The following SLCO5A1 variants were observed in gnomAD, a reference collection of about 807,000 sequenced individuals.
SLCO5A1 encodes organic anion transporter polypeptide-related protein 4.
SLCO5A1 carries 39 observed loss-of-function variants against 65.1 expected under a neutral mutation model. The observed-to-expected ratio is 0.60, with a 90% confidence interval of 0.46 to 0.78. The LOEUF (loss-of-function observed/expected upper bound fraction) is 0.78, where lower values mean the gene tolerates loss of function less well. Among genes scored for constraint, SLCO5A1 ranks in the 30% least tolerant of loss-of-function variants. SLCO5A1 has a pLI of 0.00. For synonymous variants in SLCO5A1, 438 were observed against 415.7 expected (o/e 1.05, Z -0.65); for missense variants, 1,029 against 1,069.4 (o/e 0.96, Z 0.53).
At chr8:69,706,053 T>A (rs907001008) in intron 5 of SLCO5A1, among the ~76,000 whole-genome samples, 1 of 152,208 alleles carries the variant, frequency 6.6e-6, no homozygotes, top group African/African-American at 2.4e-5. Context: ...AATAAATATA[T>A]CATATATGGT....
chr8:69,730,938 A>C (rs780349230), intron 5 of SLCO5A1, among the ~76,000 whole-genome samples: 32 of 152,174 alleles, frequency 2.1e-4, no homozygotes, highest in Non-Finnish European at 1.5e-5. Context: ...GAATATAAAA[A>C]TATTCAAGCA....
intron 2 of SLCO5A1, chr8:69,773,036 G>A (rs1273188416): frequency 1.1e-6 from 1 of 870,854 alleles, no homozygotes; most frequent in African/African-American, 1.8e-5. Context: ...AGGCTTCATG[G>A]ATGCTAGACA....
intron 5 of SLCO5A1, among the ~76,000 whole-genome samples, chr8:69,734,002 G>A (rs1816448244): frequency 2.0e-5 from 3 of 150,830 alleles, no homozygotes; most frequent in Non-Finnish European, 4.4e-5. Context: ...CATGAGCAGG[G>A]AGAGCACTGT....
At chr8:69,820,078 T>C (rs1586834125) in intron 2 of SLCO5A1, among the ~76,000 whole-genome samples, 1 of 152,256 alleles carries the variant, frequency 6.6e-6, no homozygotes, top group Non-Finnish European at 1.5e-5. Context: ...CACCCTCCTC[T>C]CACCTGTCTT....
rs1430039078 is a variant in SLCO5A1 at position 69,796,730 on chromosome 8, T to A, written c.908-34855A>T. 5.3e-5 allele frequency among the ~76,000 whole-genome samples: 8 copies of A among 152,110 alleles called. No homozygotes were observed. In the East Asian group the frequency reaches 1.2e-3, roughly 22 times the overall value. On this transcript the variant is annotated intron_variant, in intron 2 of 9. Transcript: ENST00000260126. ...TTTTTTCAACTTTCAGGTCATTTCT[T>A]TGCTCATACATATGAGCATAAAATG...
intron 2 of SLCO5A1, among the ~76,000 whole-genome samples, chr8:69,789,709 C>G (rs1404575330): frequency 6.6e-6 from 1 of 152,114 alleles, no homozygotes; most frequent in East Asian, 1.9e-4. Context: ...CAAAAATTAA[C>G]TATCTGAGAT....
At chr8:69,720,515 T>A (rs776733165) in intron 5 of SLCO5A1, among the ~76,000 whole-genome samples, 2 of 152,204 alleles carry the variant, frequency 1.3e-5, no homozygotes, top group Non-Finnish European at 2.9e-5. Flanking sequence ...GTAGCTAACA[T>A]CTTAGATAAT....
At chr8:69,723,313 G>A (rs1359380689) in intron 5 of SLCO5A1, among the ~76,000 whole-genome samples, 1 of 152,076 alleles carries the variant, frequency 6.6e-6, no homozygotes, top group African/African-American at 2.4e-5. Flanking sequence ...GTGCAGTGGT[G>A]CGATCTTGGC....
At chr8:69,811,913 C>G (rs1820219448) in intron 2 of SLCO5A1, among the ~76,000 whole-genome samples, 1 of 152,198 alleles carries the variant, frequency 6.6e-6, no homozygotes, top group South Asian at 2.1e-4. Flanking sequence ...CAAACCGAGG[C>G]AGCTGGACCC....
chr8:69,740,752 G>C (rs1432178938), intron 4 of SLCO5A1, among the ~76,000 whole-genome samples: 1 of 152,166 alleles, frequency 6.6e-6, no homozygotes, highest in Non-Finnish European at 1.5e-5. Flanking sequence ...GCAAAAATGT[G>C]CTCATGGAAT....
rs368222854 is a variant in SLCO5A1, at chr8:69,774,813, C to CA, written c.908-12939dup. ...TTTGGTGACACAGCACTGCAGATAA[C>CA]AGAGGACATGAAGAACAATCCACGT... On this transcript the variant is annotated intron_variant, in intron 2 of 9. Transcript: ENST00000260126. Among the ~76,000 whole-genome samples, 452 of 152,330 alleles carry CA rather than the reference C, an allele frequency of 3.0e-3. 3 individuals are homozygous for CA. The highest frequency in any genetic ancestry group is 0.01 in the African/African-American group (426 of 41,560).
Position 69,834,872 on chromosome 8 carries a change from G to C in SLCO5A1, c.-515C>G, listed in dbSNP as rs914893299. 1.3e-4 allele frequency: 20 copies of C among 152,510 alleles called. No individual in the cohort carries two copies. The highest frequency in any genetic ancestry group is 2.5e-4 in the Non-Finnish European group (17 of 68,282). 9.4% of individuals were successfully genotyped at this position (152,510 alleles called of 1,614,324 possible). On this transcript the variant is annotated 5_prime_UTR_variant, in exon 1 of 10. Transcript: ENST00000260126. ...TACTCACTAGCGAGTCTGTCAGTCT[G>C]TCTGCCTGGCTGAGTAGAGCGGCGG...
intron 6 of SLCO5A1, among the ~76,000 whole-genome samples, chr8:69,690,293 C>T (rs1814200310): frequency 6.6e-6 from 1 of 152,244 alleles, no homozygotes; most frequent in Admixed American, 6.5e-5. Flanking sequence ...TTACTCCCAC[C>T]ATTTACCTGT....
intron 2 of SLCO5A1, among the ~76,000 whole-genome samples, chr8:69,821,944 T>C (rs960229072): frequency 6.6e-6 from 1 of 151,958 alleles, no homozygotes. Context: ...CTGATCAACA[T>C]GGCAAACCCC....
intron 6 of SLCO5A1, among the ~76,000 whole-genome samples, chr8:69,692,704 G>A (rs1814324294): frequency 6.6e-6 from 1 of 152,042 alleles, no homozygotes; most frequent in South Asian, 2.1e-4. Context: ...CACCTACACA[G>A]GGTCAGGATC....
chr8:69,777,992 C>CATAA (rs1818631459), intron 2 of SLCO5A1, among the ~76,000 whole-genome samples: 1 of 152,210 alleles, frequency 6.6e-6, no homozygotes, highest in Non-Finnish European at 1.5e-5. Context: ...AGAGAGACCA[C>CATAA]ATTCACATAA....
intron 2 of SLCO5A1, among the ~76,000 whole-genome samples, chr8:69,823,418 A>G (rs544212727): frequency 1.7e-4 from 26 of 152,284 alleles, no homozygotes; most frequent in Middle Eastern, 3.4e-3. Flanking sequence ...TCAAAATAAA[A>G]GGATGGAGGA....
chr8:69,686,098 A>G (rs1269200985), intron 6 of SLCO5A1, among the ~76,000 whole-genome samples: 8 of 152,138 alleles, frequency 5.3e-5, no homozygotes, highest in African/African-American at 1.9e-4. Context: ...CTGTAAATCA[A>G]AGAGAAGTCC....
chr8:69,711,549 C>T (rs1475235017), intron 5 of SLCO5A1, among the ~76,000 whole-genome samples: 1 of 152,236 alleles, frequency 6.6e-6, no homozygotes, highest in African/African-American at 2.4e-5. Flanking sequence ...AGCCCAGGCA[C>T]CCGAGGCCCG....
Sources: allele counts gnomAD v4.1 joint callset (sites outside exome capture counted in the v4.1 genomes callset), GRCh38; gene constraint gnomAD v4.1.1; transcripts MANE v1.5; gene names NCBI Gene and HGNC (gene_info 2026-07-23, HGNC 2026-07-21).